PDCD1LG2: variants seen among roughly 807,000 people sequenced by gnomAD.
PDCD1LG2 encodes the protein programmed cell death 1 ligand 2, also known as B7 dendritic cell molecule.
Under a neutral mutation model 28.2 loss-of-function variants are expected in PDCD1LG2, and 32 were observed. The observed-to-expected ratio is 1.13, with a 90% CI of 0.86 to 1.52. The LOEUF (loss-of-function observed/expected upper bound fraction) is 1.52. Ranked by LOEUF, PDCD1LG2 falls within the 40% of genes most tolerant of loss-of-function variation. The pLI, the probability that PDCD1LG2 is intolerant of heterozygous loss-of-function variation, is 0.00. For synonymous variants in PDCD1LG2, 116 were observed against 120.2 expected, an observed-to-expected ratio of 0.97 and a Z score of 0.23; for missense variants, 385 against 323.8, an observed-to-expected ratio of 1.19 and a Z score of -1.45.
intron 5 of PDCD1LG2, among the ~76,000 whole-genome samples, chr9:5,562,817 G>A (rs1816591214): frequency 6.6e-6 from 1 of 152,178 alleles, no homozygotes. Context: ...ACCAGGGAAG[G>A]CAGGCAGAAG....
At chr9:5,541,281 C>G (rs1242243658) in intron 3 of PDCD1LG2, among the ~76,000 whole-genome samples, 2 of 152,156 alleles carry the variant, frequency 1.3e-5, no homozygotes, top group Non-Finnish European at 2.9e-5. Flanking sequence ...AAGTTGAAAG[C>G]ATTTTCCCTG....
chr9:5,549,114 G>T (rs1435294289), intron 3 of PDCD1LG2, among the ~76,000 whole-genome samples: 1 of 152,022 alleles, frequency 6.6e-6, no homozygotes, highest in Non-Finnish European at 1.5e-5. Flanking sequence ...CAAGAATTGG[G>T]AATATCAACA....
intron 5 of PDCD1LG2, among the ~76,000 whole-genome samples, chr9:5,562,568 TA>T (rs1816586110): frequency 6.6e-6 from 1 of 152,098 alleles, no homozygotes; most frequent in South Asian, 2.1e-4. Flanking sequence ...ACGGGTGCAC[TA>T]AAATTCAGAC....
At chr9:5,525,121 G>C (rs1040540335) in intron 2 of PDCD1LG2, among the ~76,000 whole-genome samples, 38 of 152,192 alleles carry the variant, frequency 2.5e-4, no homozygotes, top group Admixed American at 2.1e-3. Context: ...GCCGAGGCGG[G>C]TGGATCACCT....
At chr9:5,553,765 T>A (rs16923216) in intron 4 of PDCD1LG2, among the ~76,000 whole-genome samples, 32,394 of 152,044 alleles carry the variant, frequency 0.21, 3,749 homozygotes, top group African/African-American at 0.29. Flanking sequence ...GTATCACTCA[T>A]AAATACAGCC....
At chr9:5,512,488 TTCTG>T (rs1820081114) in intron 1 of PDCD1LG2, among the ~76,000 whole-genome samples, 1 of 152,194 alleles carries the variant, frequency 6.6e-6, no homozygotes, top group African/African-American at 2.4e-5. Context: ...CTGGGGGAGC[TTCTG>T]ATGCTCTTCT....
chr9:5,514,974 G>C (rs1016569146), intron 1 of PDCD1LG2, among the ~76,000 whole-genome samples: 1 of 152,102 alleles, frequency 6.6e-6, no homozygotes, highest in South Asian at 2.1e-4. Flanking sequence ...AGATCTTAGT[G>C]AAGTTAGTGA....
intron 3 of PDCD1LG2, among the ~76,000 whole-genome samples, chr9:5,537,332 C>T (rs767725371): frequency 2.0e-5 from 3 of 152,032 alleles, no homozygotes; most frequent in African/African-American, 2.4e-5. Context: ...TATGGTTCTT[C>T]GGATTCATGA....
chr9:5,536,610 T>G (rs1820584718), intron 3 of PDCD1LG2, among the ~76,000 whole-genome samples: 1 of 152,200 alleles, frequency 6.6e-6, no homozygotes, highest in African/African-American at 2.4e-5. Flanking sequence ...GAATGCTGTA[T>G]TAATGGGCCA....
chr9:5,545,418 T>C (rs1468928538), intron 3 of PDCD1LG2, among the ~76,000 whole-genome samples: 1 of 152,274 alleles, frequency 6.6e-6, no homozygotes, highest in African/African-American at 2.4e-5. Flanking sequence ...ACTTGCTTAT[T>C]GTATAATCAT....
intron 3 of PDCD1LG2, among the ~76,000 whole-genome samples, chr9:5,545,868 G>C (rs545078502): frequency 1.3e-5 from 2 of 152,280 alleles, no homozygotes; most frequent in South Asian, 4.2e-4. Context: ...TTATCTAGGA[G>C]AATTGCTGTA....
At chr9:5,512,399 G>C (rs1378686289) in intron 1 of PDCD1LG2, among the ~76,000 whole-genome samples, 1 of 152,130 alleles carries the variant, frequency 6.6e-6, no homozygotes, top group African/African-American at 2.4e-5. Context: ...CTGACTTCCA[G>C]TTCTTAGTCT....
chr9:5,515,720 G>C (rs1427927711), intron 1 of PDCD1LG2, among the ~76,000 whole-genome samples: 1 of 151,790 alleles, frequency 6.6e-6, no homozygotes, highest in African/African-American at 2.4e-5. Flanking sequence ...GTCAGAGTTC[G>C]AGACCAGCTT....
At chr9:5,534,560 G>T (rs1820543016) in intron 2 of PDCD1LG2, among the ~76,000 whole-genome samples, 185 bp from the exon 3 acceptor site, 1 of 152,188 alleles carries the variant, frequency 6.6e-6, no homozygotes. Flanking sequence ...AGATCAGCGG[G>T]TCAAGAATCC....
rs2129879255 is a variant in PDCD1LG2, at chr9:5,549,617, C to G, written c.631+13C>G. ...ATTGACCTTCAAAGTAAGAGCTGCC[C>G]CCACTTCCTAGGTCTATCAGTTAGG... On this transcript the variant is annotated intron_variant, in intron 4 of 6. Coordinates refer to ENST00000397747, the MANE Select transcript of PDCD1LG2 (RefSeq NM_025239.4). The G allele has an allele frequency of 6.2e-7, 1 of 1,613,682 alleles. No homozygotes were observed.
At chr9:5,531,465 A>G (rs1820482658) in intron 2 of PDCD1LG2, among the ~76,000 whole-genome samples, 1 of 152,160 alleles carries the variant, frequency 6.6e-6, no homozygotes, top group South Asian at 2.1e-4. Context: ...ATGTTTGCTA[A>G]TTGCTCTTTT....
Position 5,538,383 on chromosome 9 carries a change from A to T in PDCD1LG2, c.361+3333A>T, listed in dbSNP as rs1018931638. On this transcript the variant is annotated intron_variant, in intron 3 of 6. Transcript: ENST00000397747. Reference sequence around the variant, plus strand: ...AAACTATATTGTACTATATATATATATTTTAGAAATGGACACATTAGGCCG... The same window carrying T: ...AAACTATATTGTACTATATATATATTTTTTAGAAATGGACACATTAGGCCG... 8.5e-5 allele frequency among the ~76,000 whole-genome samples: 13 copies of T among 152,082 alleles called. 1 individual carries two copies. The highest frequency in any genetic ancestry group is 2.9e-4 in the African/African-American group (12 of 41,504).
In PDCD1LG2 at chr9:5,534,927, C is replaced by T. The variant is rs900574856; in HGVS notation, c.238C>T (p.Leu80=). 8 of 1,614,142 alleles carry T rather than the reference C, an allele frequency of 5.0e-6. No individual in the cohort carries two copies. Among genetic ancestry groups the T allele is most frequent in the Non-Finnish European group, 5.9e-6 (7 of 1,180,010 alleles). Residue 80 remains leucine, a synonymous_variant, in exon 3 of 7, where the codon CTG becomes TTG. Transcript: ENST00000397747. ...AAGAGCCACTTTGCTGGAGGAGCAG[C>T]TGCCCCTAGGGAAGGCCTCGTTCCA... ...RERATLLEEQ[L]PLGKASFHIP...
rs1180861597 is a variant in PDCD1LG2, at chr9:5,549,595, G to A, written c.622G>A (p.Asp208Asn). The A allele has an allele frequency of 6.2e-7, 1 of 1,614,120 alleles. No individual in the cohort carries two copies. Among genetic ancestry groups the A allele is most frequent in the Non-Finnish European group, 8.5e-7 (1 of 1,179,976 alleles). ...GAGGGAACTTACTTTGGCCAGCATT[G>A]ACCTTCAAAGTAAGAGCTGCCCCCA... is the stretch of plus-strand genomic sequence containing the variant. Reference protein sequence around the residue: ...HVRELTLASIDLQSQMEPRTH... With the variant: ...HVRELTLASINLQSQMEPRTH... The change falls in exon 4 of 7, where the codon GAC becomes AAC. Residue 208 changes from aspartate (D) to asparagine (N), a missense_variant. Physicochemically the swap from Asp to Asn is conservative, Grantham distance 23. Coordinates refer to ENST00000397747, the MANE Select transcript of PDCD1LG2 (RefSeq NM_025239.4).
Sources: gnomAD v4.1 joint callset for allele counts (sites outside exome capture counted in the v4.1 genomes callset) on GRCh38, gnomAD v4.1.1 for gene constraint, MANE v1.5 for transcripts, NCBI Gene and HGNC (gene_info 2026-07-23, HGNC 2026-07-21) for gene names.